PTPRT: variants seen among roughly 807,000 people sequenced by gnomAD.
PTPRT encodes protein tyrosine phosphatase receptor type T, also known as receptor-type tyrosine-protein phosphatase T.
Under a neutral mutation model 176.8 loss-of-function variants are expected in PTPRT, and 56 were observed. The observed-to-expected ratio is 0.32, with a 90% CI of 0.26 to 0.40. The LOEUF (loss-of-function observed/expected upper bound fraction) is 0.40. Among genes scored for constraint, PTPRT ranks in the 10% least tolerant of loss-of-function variants. PTPRT has a pLI of 1.00. For missense variants in PTPRT, 1,540 were observed against 1,908.2 expected (o/e 0.81, Z 3.60); for synonymous variants, 783 against 739.0 (o/e 1.06, Z -0.96).
At chr20:42,649,206 C>T (rs1344759219) in intron 7 of PTPRT, among the ~76,000 whole-genome samples, 1 of 152,058 alleles carries the variant, frequency 6.6e-6, no homozygotes, top group Non-Finnish European at 1.5e-5. Flanking sequence ...CAAGTTACAT[C>T]TTACATGGAT....
chr20:43,066,700 T>A (rs1032671114), intron 1 of PTPRT, among the ~76,000 whole-genome samples: 13 of 152,060 alleles, frequency 8.5e-5, no homozygotes, highest in African/African-American at 3.1e-4. Flanking sequence ...CACGGAGTGG[T>A]GGAAGGGTAG....
chr20:43,172,855 T>A (rs1241354510), intron 1 of PTPRT, among the ~76,000 whole-genome samples: 5 of 151,028 alleles, frequency 3.3e-5, no homozygotes, highest in African/African-American at 1.2e-4. Context: ...CAGTCTGAGA[T>A]CAGAGTCTGC....
chr20:42,118,861 T>G (rs972006668), intron 20 of PTPRT, among the ~76,000 whole-genome samples: 8 of 151,542 alleles, frequency 5.3e-5, no homozygotes, highest in African/African-American at 1.9e-4. Context: ...AAAATTGGTC[T>G]CCAGAACCTC....
intron 6 of PTPRT, among the ~76,000 whole-genome samples, chr20:42,735,812 G>A (rs535774990): frequency 1.3e-5 from 2 of 152,094 alleles, no homozygotes; most frequent in Admixed American, 1.3e-4. Flanking sequence ...CATTTGCTCC[G>A]TTGTGTGCCT....
intron 11 of PTPRT, among the ~76,000 whole-genome samples, chr20:42,332,280 G>A (rs1426043931): frequency 6.6e-6 from 1 of 152,064 alleles, no homozygotes; most frequent in Non-Finnish European, 1.5e-5. Flanking sequence ...CGTAATCTCG[G>A]CTCACTGCAA....
intron 7 of PTPRT, among the ~76,000 whole-genome samples, chr20:42,593,885 G>A (rs1180339830): frequency 2.0e-5 from 3 of 152,190 alleles, no homozygotes; most frequent in Non-Finnish European, 2.9e-5. Flanking sequence ...GGGAGGAGAC[G>A]AGTTTAGGCT....
At chr20:42,338,543 G>A (rs1247242585) in intron 11 of PTPRT, among the ~76,000 whole-genome samples, 1 of 152,178 alleles carries the variant, frequency 6.6e-6, no homozygotes, top group Non-Finnish European at 1.5e-5. Context: ...CAGGAACAGG[G>A]TGTCCTGGCA....
intron 16 of PTPRT, among the ~76,000 whole-genome samples, chr20:42,187,794 C>T (rs986534359): frequency 6.6e-6 from 1 of 152,220 alleles, no homozygotes; most frequent in African/African-American, 2.4e-5. Context: ...CACATTTACA[C>T]AGCCCCATTT....
chr20:42,949,384 G>A (rs1347777851), intron 1 of PTPRT, among the ~76,000 whole-genome samples: 2 of 152,182 alleles, frequency 1.3e-5, no homozygotes, highest in Non-Finnish European at 2.9e-5. Flanking sequence ...GGAAGCCCAA[G>A]CTAGCCACAG....
chr20:43,163,104 C>T (rs2014744511), intron 1 of PTPRT, among the ~76,000 whole-genome samples: 1 of 152,208 alleles, frequency 6.6e-6, no homozygotes, highest in African/African-American at 2.4e-5. Flanking sequence ...CAAGGATGCC[C>T]TGCTAGGAAC....
intron 1 of PTPRT, among the ~76,000 whole-genome samples, chr20:42,907,236 CAA>C (rs962069631): frequency 1.1e-4 from 17 of 152,238 alleles, no homozygotes; most frequent in African/African-American, 3.4e-4. Flanking sequence ...AAATAGGAGA[CAA>C]AGAGATGCAG....
rs76923601 is a variant in PTPRT, at chr20:42,457,950, A to T, written c.1451-9621T>A. Among the ~76,000 whole-genome samples the T allele has an allele frequency of 8.7e-3, 1,319 of 152,056 alleles. 11 individuals are homozygous for T. Among genetic ancestry groups the T allele is most frequent in the Middle Eastern group, 0.014 (4 of 294 alleles). ...GCAAATAAAGATGACCAGGGCACTG[A>T]CCTCTCTCCTTTCCCCACTCCCATC... On this transcript the variant is annotated intron_variant, in intron 8 of 30. Coordinates refer to ENST00000373187, the MANE Select transcript of PTPRT (RefSeq NM_007050.6).
chr20:42,680,879 T>A (rs1466203217), intron 6 of PTPRT, among the ~76,000 whole-genome samples: 4 of 152,250 alleles, frequency 2.6e-5, no homozygotes, highest in Admixed American at 2.0e-4. Flanking sequence ...CTATCTCAAA[T>A]GACTTGCGAC....
intron 6 of PTPRT, among the ~76,000 whole-genome samples, chr20:42,732,615 G>T (rs938052202): frequency 2.6e-5 from 4 of 152,140 alleles, no homozygotes; most frequent in African/African-American, 9.7e-5. Flanking sequence ...AGAGGTAAAA[G>T]CATCAAATGA....
At chr20:42,992,860 C>T (rs1400814726) in intron 1 of PTPRT, among the ~76,000 whole-genome samples, 6 of 152,306 alleles carry the variant, frequency 3.9e-5, no homozygotes, top group Non-Finnish European at 7.4e-5. Context: ...TCTCAGGCCT[C>T]TCCATGTGGT....
chr20:42,106,318 T>C (rs1255003990), intron 24 of PTPRT, among the ~76,000 whole-genome samples: 1 of 152,200 alleles, frequency 6.6e-6, no homozygotes, highest in Non-Finnish European at 1.5e-5. Context: ...AGAGGCTGTG[T>C]GTTACATCTC....
intron 7 of PTPRT, among the ~76,000 whole-genome samples, chr20:42,674,321 T>A (rs1241002009): frequency 6.6e-6 from 1 of 152,202 alleles, no homozygotes. Context: ...GCATTCCAAC[T>A]CATAATTTTT....
intron 17 of PTPRT, among the ~76,000 whole-genome samples, chr20:42,158,579 C>T (rs367993686): frequency 1.3e-5 from 2 of 152,124 alleles, no homozygotes; most frequent in African/African-American, 4.8e-5. Flanking sequence ...CAATGATTCT[C>T]CTAGCAGATC....
the PTPRT span, among the ~76,000 whole-genome samples, chr20:42,032,852 G>A: frequency 6.6e-6 from 1 of 152,100 alleles, no homozygotes; most frequent in African/African-American, 2.4e-5. Context: ...GAATGGTGAG[G>A]AACTGAGTAT....
Sources: gnomAD v4.1 joint callset for allele counts (sites outside exome capture counted in the v4.1 genomes callset) on GRCh38, gnomAD v4.1.1 for gene constraint, MANE v1.5 for transcripts, NCBI Gene and HGNC (gene_info 2026-07-23, HGNC 2026-07-21) for gene names.